ZNF546: variants seen among roughly 807,000 people sequenced by gnomAD.
ZNF546 encodes CTC-471F3.6.
ZNF546 carries 60 observed loss-of-function variants against 76.2 expected under a neutral mutation model. That is an observed-to-expected ratio of 0.79 (90% CI 0.64 to 0.98). The LOEUF is 0.98. Among genes scored for constraint, ZNF546 ranks in the 50% least tolerant of loss-of-function variants. ZNF546 has a pLI of 0.00. For missense variants in ZNF546, 936 were observed against 1,035.6 expected (o/e 0.90, Z 1.32); for synonymous variants, 277 against 328.1 (o/e 0.84, Z 1.68).
At chr19:40,005,613 C>G (rs1272915826) in intron 3 of ZNF546, among the ~76,000 whole-genome samples, 1 of 151,592 alleles carries the variant, frequency 6.6e-6, no homozygotes, top group East Asian at 1.9e-4. Context: ...TAGTGAATTG[C>G]TCATGCTTAA....
In ZNF546 at chr19:39,998,228, T is replaced by C. The variant is rs1226983278; in HGVS notation, c.-79-20T>C. The C allele has an allele frequency of 2.3e-6, 2 of 867,188 alleles. No individual in the cohort carries two copies. 53.7% of individuals were successfully genotyped at this position (867,188 alleles called of 1,614,324 possible). A position where few individuals can be genotyped will look rare whatever the true frequency, so the allele number is the denominator to read the frequency against. Reference sequence around the variant, plus strand: ...TTAAGTAAATCTTTAAATAAATGCATAAAATGTTTTTGTTTTTAGGAAATG... The same window carrying C: ...TTAAGTAAATCTTTAAATAAATGCACAAAATGTTTTTGTTTTTAGGAAATG... On this transcript the variant is annotated intron_variant, in intron 2 of 6. Transcript: ENST00000347077.
rs754052379 is a variant in ZNF546, at chr19:40,014,280, C to T, written c.1010C>T (p.Ala337Val). ...RPYECKECGK[A>V]FRLHYQLTEH... The stretch of plus-strand genomic sequence containing the variant: ...TATGAATGTAAAGAATGTGGGAAGG[C>T]CTTTAGACTTCATTATCAACTAACT... The change falls in exon 7 of 7, where the codon GCC becomes GTC. Residue 337 changes from alanine to valine, a missense_variant. Physicochemically the swap from Ala to Val is moderately conservative, Grantham distance 64. Coordinates refer to ENST00000347077, the MANE Select transcript of ZNF546 (RefSeq NM_178544.5). 1 of 1,614,006 alleles carries T rather than the reference C, an allele frequency of 6.2e-7. No individual in the cohort carries two copies. Among genetic ancestry groups the T allele is most frequent in the Non-Finnish European group, 8.5e-7 (1 of 1,179,964 alleles).
Position 40,014,743 on chromosome 19 carries a change from C to T in ZNF546, c.1473C>T (p.His491=), listed in dbSNP as rs140074288. 1,014 of 1,613,156 alleles carry T rather than the reference C, an allele frequency of 6.3e-4. 6 individuals carry two copies. Among genetic ancestry groups the T allele is most frequent in the Non-Finnish European group, 2.1e-4 (243 of 1,179,866 alleles). Residue 491 remains histidine (H), a synonymous_variant, in exon 7 of 7, where the codon CAC becomes CAT. Coordinates refer to ENST00000347077, the MANE Select transcript of ZNF546 (RefSeq NM_178544.5). The stretch of plus-strand genomic sequence containing the variant: ...AACTTACTTTACATCTGAGAACTCA[C>T]ACCGGTGAGATTCCCTATGAATGTA... The part of the protein sequence containing the change: ...GYQLTLHLRT[H]TGEIPYECKE...
chr19:40,000,267 G>T (rs146828950), intron 3 of ZNF546, among the ~76,000 whole-genome samples: 3 of 152,050 alleles, frequency 2.0e-5, no homozygotes, highest in African/African-American at 7.2e-5. Context: ...TCTTATCTTG[G>T]TTAGGTTTTT....
Position 40,017,495 on chromosome 19 carries a change from A to G in ZNF546, c.*1714A>G, listed in dbSNP as rs1422312548. 5 of 152,216 alleles carry G rather than the reference A, an allele frequency of 3.3e-5. No individual in the cohort carries two copies. Among genetic ancestry groups the G allele is most frequent in the Admixed American group, 2.6e-4 (4 of 15,276 alleles). 9.4% of individuals were successfully genotyped at this position (152,216 alleles called of 1,614,324 possible). On this transcript the variant is annotated 3_prime_UTR_variant, in exon 7 of 7. Transcript: ENST00000347077. ...TAGTATTTGAGTATAAATTGCAGATACTATAACACATCACATCTAAGAATA... is the reference window on the plus strand; with the variant it reads ...TAGTATTTGAGTATAAATTGCAGATGCTATAACACATCACATCTAAGAATA...
rs984465506 is a variant in ZNF546 at position 40,019,300 on chromosome 19, T to A, written c.*3519T>A. 7.2e-5 allele frequency: 11 copies of A among 152,210 alleles called. No individual in the cohort carries two copies. The highest frequency in any genetic ancestry group is 2.7e-4 in the African/African-American group (11 of 41,456). 9.4% of individuals were successfully genotyped at this position (152,210 alleles called of 1,614,324 possible). Reference sequence around the variant, plus strand: ...TGCTCACCACTCTACTCCCAGTGACTTAATACTGTCTCTTTAACATAGTAA... The same window carrying A: ...TGCTCACCACTCTACTCCCAGTGACATAATACTGTCTCTTTAACATAGTAA... On this transcript the variant is annotated 3_prime_UTR_variant, in exon 7 of 7. Coordinates refer to ENST00000347077, the MANE Select transcript of ZNF546 (RefSeq NM_178544.5).
rs116341926 is a variant in ZNF546 at position 40,011,724 on chromosome 19, C to T, written c.395-1941C>T. ...TTTCATGTACACAAATGCAAAAATT[C>T]TAGACTAAGTTTTAGCCATTTGAAT... On this transcript the variant is annotated intron_variant, in intron 6 of 6. Transcript: ENST00000347077. Among the ~76,000 whole-genome samples the T allele has an allele frequency of 9.4e-3, 1,431 of 152,280 alleles. 23 individuals carry two copies. The highest frequency in any genetic ancestry group is 0.026 in the African/African-American group (1,092 of 41,548).
At chr19:40,007,020 T>C (rs935607349) in intron 4 of ZNF546, among the ~76,000 whole-genome samples, 3 of 152,230 alleles carry the variant, frequency 2.0e-5, no homozygotes, top group Admixed American at 6.5e-5. Flanking sequence ...CTTGCATTTA[T>C]TCAGAACTTT....
intron 2 of ZNF546, 99 bp downstream of exon 2, chr19:39,998,014 T>G (rs1971477088): frequency 8.2e-6 from 3 of 366,484 alleles, no homozygotes; most frequent in Non-Finnish European, 1.5e-5. Flanking sequence ...GGTACCACAC[T>G]GCTATGTCAA....
Position 40,014,114 on chromosome 19 carries a change from T to C in ZNF546, c.844T>C (p.Phe282Leu). The C allele has an allele frequency of 1.9e-6, 3 of 1,614,114 alleles. No homozygotes were observed. The highest frequency in any genetic ancestry group is 2.5e-6 in the Non-Finnish European group (3 of 1,179,964). The change falls in exon 7 of 7, where the codon TTT becomes CTT. Residue 282 changes from phenylalanine (F) to leucine (L), a missense_variant. Coordinates refer to ENST00000347077, the MANE Select transcript of ZNF546 (RefSeq NM_178544.5). The stretch of plus-strand genomic sequence containing the variant: ...TGAATGTAAAGAATGTGGGAAGGCC[T>C]TTAGACTTCATTATCACCTTACTGA... ...PYECKECGKAFRLHYHLTEHQ... is the reference protein window; with the variant it reads ...PYECKECGKALRLHYHLTEHQ...
intron 3 of ZNF546, among the ~76,000 whole-genome samples, chr19:40,000,247 A>G (rs563436542): frequency 2.0e-5 from 3 of 152,296 alleles, no homozygotes; most frequent in African/African-American, 7.2e-5. Flanking sequence ...TTTACAGGAC[A>G]TAGCAATACT....
rs766351340 is a variant in ZNF546 at position 40,014,060 on chromosome 19, C to A, written c.790C>A (p.His264Asn). The A allele has an allele frequency of 6.2e-7, 1 of 1,612,764 alleles. No individual in the cohort carries two copies. Among genetic ancestry groups the A allele is most frequent in the Non-Finnish European group, 8.5e-7 (1 of 1,178,958 alleles). The change falls in exon 7 of 7, where the codon CAC (histidine) becomes AAC (asparagine). Residue 264 changes from histidine (H) to asparagine (N), a missense_variant. Coordinates refer to ENST00000347077, the MANE Select transcript of ZNF546 (RefSeq NM_178544.5). ...FCRVGDLRVHHTIHAGERPYE... is the reference protein window; with the variant it reads ...FCRVGDLRVHNTIHAGERPYE... ...TCGAGTGGGAGACCTTAGAGTACAT[C>A]ACACAATCCATGCTGGGGAGAGACC...
In ZNF546 at chr19:40,007,406, G is replaced by T. The variant is rs1443842633; in HGVS notation, c.298+6G>T. The T allele has an allele frequency of 1.9e-6, 3 of 1,578,252 alleles. No homozygotes were observed. Among genetic ancestry groups the T allele is most frequent in the African/African-American group, 2.7e-5 (2 of 73,270 alleles). On this transcript the variant is annotated splice_donor_region_variant and intron_variant, in intron 5 of 6. Transcript: ENST00000347077. The stretch of plus-strand genomic sequence containing the variant: ...CAGCAACCTGGTCTCACTGGGTAAG[G>T]TATCTTTCGAAATCGTTTACAATCT...
chr19:40,019,663 G>A lies in ZNF546; in HGVS notation c.*3882G>A, dbSNP rs888423126. On this transcript the variant is annotated 3_prime_UTR_variant, in exon 7 of 7. Coordinates refer to ENST00000347077, the MANE Select transcript of ZNF546 (RefSeq NM_178544.5). ...TTATAATCCTGATAATACAACAGATGAGGATAGTTCTTAAAAGGCAAAAAT... is the reference window on the plus strand; with the variant it reads ...TTATAATCCTGATAATACAACAGATAAGGATAGTTCTTAAAAGGCAAAAAT... 4 of 152,180 alleles carry A rather than the reference G, an allele frequency of 2.6e-5. No homozygotes were observed. The highest frequency in any genetic ancestry group is 2.1e-4 in the South Asian group (1 of 4,838). The allele number at this position is 152,180 out of a possible 1,614,324, so 9.4% of individuals were successfully genotyped here. A position where few individuals can be genotyped will look rare whatever the true frequency, so the allele number is the denominator to read the frequency against.
Position 40,005,009 on chromosome 19 carries a change from C to CTTTTTTTTTTTTTTTTT in ZNF546, c.85-1076_85-1060dup, listed in dbSNP as rs752081163. Among the ~76,000 whole-genome samples, 8 of 86,842 alleles carry CTTTTTTTTTTTTTTTTT rather than the reference C, an allele frequency of 9.2e-5. 1 individual carries two copies. The highest frequency in any genetic ancestry group is 1.5e-4 in the Non-Finnish European group (7 of 47,026). 57.0% of individuals were successfully genotyped at this position (86,842 alleles called of 152,430 possible). On this transcript the variant is annotated intron_variant, in intron 3 of 6. Coordinates refer to ENST00000347077, the MANE Select transcript of ZNF546 (RefSeq NM_178544.5). ...TTTTGCACCCCTAACCTGCATGCAT[C>CTTTTTTTTTTTTTTTTT]TTTTTTTTTTTTTTTTTTTTTTTTT...
In ZNF546 at chr19:40,000,062, T is replaced by C. The variant is rs112065826; in HGVS notation, c.84+1652T>C. 3.0e-3 allele frequency among the ~76,000 whole-genome samples: 452 copies of C among 152,332 alleles called. 1 individual carries two copies. The highest frequency in any genetic ancestry group is 8.8e-3 in the African/African-American group (365 of 41,572). On this transcript the variant is annotated intron_variant, in intron 3 of 6. Transcript: ENST00000347077. ...TAACCATAGCTTTCTTATAACTCTGTGCACATAGGGAGAAGAGGAAAACAC... is the reference window on the plus strand; with the variant it reads ...TAACCATAGCTTTCTTATAACTCTGCGCACATAGGGAGAAGAGGAAAACAC...
In ZNF546 at chr19:40,020,339, CTAAT is replaced by C; in HGVS notation, c.*4561_*4564del. On this transcript the variant is annotated 3_prime_UTR_variant, in exon 7 of 7. Transcript: ENST00000347077. ...TATCATTGTACAAGTCATTTACTAT[CTAAT>C]TATATCATTGCTCAACATTTGCAAA... 1 of 152,236 alleles carries C rather than the reference CTAAT, an allele frequency of 6.6e-6. No individual in the cohort carries two copies. Among genetic ancestry groups the C allele is most frequent in the Middle Eastern group, 3.4e-3 (1 of 294 alleles). The allele number at this position is 152,236 out of a possible 1,614,324, so 9.4% of individuals were successfully genotyped here.
At chr19:40,003,334 G>A (rs766773409) in intron 3 of ZNF546, among the ~76,000 whole-genome samples, 5 of 152,174 alleles carry the variant, frequency 3.3e-5, no homozygotes, top group Non-Finnish European at 5.9e-5. Flanking sequence ...ACCGTGCCCA[G>A]CTTAAAATTT....
intron 3 of ZNF546, among the ~76,000 whole-genome samples, chr19:40,000,480 G>A (rs922251278): frequency 5.3e-5 from 8 of 151,854 alleles, no homozygotes; most frequent in South Asian, 2.1e-4. Flanking sequence ...AAAATTAGCC[G>A]GCTGTGGTGG....
Sources: allele counts gnomAD v4.1 joint callset (sites outside exome capture counted in the v4.1 genomes callset), GRCh38; gene constraint gnomAD v4.1.1; transcripts MANE v1.5; gene names NCBI Gene and HGNC (gene_info 2026-07-23, HGNC 2026-07-21).